The following ANAPC16 variants were observed in gnomAD, a reference collection of about 807,000 sequenced individuals.
ANAPC16 encodes the protein anaphase promoting complex subunit 16, also known as anaphase-promoting complex subunit 16.
In ANAPC16, 6 loss-of-function variants were observed where a neutral mutation model predicts 13.1. That is an observed-to-expected ratio of 0.46 (90% CI 0.25 to 0.90). The LOEUF (loss-of-function observed/expected upper bound fraction) is 0.90, where lower values mean the gene tolerates loss of function less well. Ranked by LOEUF, ANAPC16 falls within the 40% of genes least tolerant of loss-of-function variation. ANAPC16 has a pLI of 0.18. For synonymous variants in ANAPC16, 55 were observed against 51.3 expected (o/e 1.07, Z -0.31); for missense variants, 113 against 131.1 (o/e 0.86, Z 0.67).
At position 72,230,311 on chromosome 10, in the gene ANAPC16, C is replaced by T. The variant is rs1860255699; in HGVS notation, c.143-55C>T. The T allele has an allele frequency of 4.4e-6, 6 of 1,375,544 alleles. No individual in the cohort carries two copies. The South Asian group carries it at 5.8e-5, about 13-fold the overall frequency. The allele number at this position is 1,375,544 out of a possible 1,614,324, so 85.2% of individuals were successfully genotyped here. A position where few individuals can be genotyped will look rare whatever the true frequency, so the allele number is the denominator to read the frequency against. On this transcript the variant is annotated intron_variant, in intron 2 of 3. Coordinates refer to ENST00000299381, the MANE Select transcript of ANAPC16 (RefSeq NM_173473.4). ...GAATAGACAAGTTTACTTGGTTTAT[C>T]AGAAGCCATAAAACCTTTAGAGCAG...
intron 1 of ANAPC16, among the ~76,000 whole-genome samples, chr10:72,221,856 A>G (rs1391085678): frequency 1.3e-5 from 2 of 150,656 alleles, no homozygotes; most frequent in Admixed American, 6.6e-5. Context: ...CAGCCTCTCA[A>G]GTAGCTGGGA....
rs551660302 is a variant in ANAPC16, at chr10:72,223,648, C to T, written c.-27-240C>T. 9.8e-4 allele frequency: 289 copies of T among 295,874 alleles called. 1 individual carries two copies. Among genetic ancestry groups the T allele is most frequent in the Non-Finnish European group, 1.5e-3 (241 of 160,496 alleles). 18.3% of individuals were successfully genotyped at this position (295,874 alleles called of 1,614,324 possible). The stretch of plus-strand genomic sequence containing the variant: ...TCAATCTTAGTTGACATAAACAGTT[C>T]GCTAATGGTAGGAATTCATGTTTTA... On this transcript the variant is annotated intron_variant, in intron 1 of 3. Transcript: ENST00000299381.
chr10:72,217,472 CAAAA>C, intron 1 of ANAPC16, among the ~76,000 whole-genome samples: 1 of 84,544 alleles, frequency 1.2e-5, no homozygotes. Context: ...GAATCCGTCT[CAAAA>C]AAAAAAAAAA....
At chr10:72,229,396 A>G (rs964162582) in intron 2 of ANAPC16, among the ~76,000 whole-genome samples, 6 of 151,836 alleles carry the variant, frequency 4.0e-5, no homozygotes, top group African/African-American at 7.3e-5. Context: ...TGAGGCCAGA[A>G]TGTGTTAGTC....
chr10:72,226,891 C>T (rs1429447922), intron 2 of ANAPC16, among the ~76,000 whole-genome samples: 1 of 152,110 alleles, frequency 6.6e-6, no homozygotes, highest in African/African-American at 2.4e-5. Flanking sequence ...ACATGTACTT[C>T]TCTCTTTGCC....
intron 3 of ANAPC16, among the ~76,000 whole-genome samples, chr10:72,232,413 G>A (rs113104890): frequency 0.027 from 3,980 of 149,096 alleles, 208 homozygotes; most frequent in African/African-American, 0.093. Flanking sequence ...GCACGATGGC[G>A]GGTGCCTGTA....
rs751497167 is a variant in ANAPC16, at chr10:72,230,342, A to G, written c.143-24A>G. ...CCATAAAACCTTTAGAGCAGATTAA[A>G]ACCTTTTCTCCTTTTGTTTGTAGAT... On this transcript the variant is annotated intron_variant, in intron 2 of 3. Coordinates refer to ENST00000299381, the MANE Select transcript of ANAPC16 (RefSeq NM_173473.4). The G allele has an allele frequency of 2.5e-6, 4 of 1,604,982 alleles. No individual in the cohort carries two copies. The South Asian group carries it at 4.4e-5, about 18-fold the overall frequency.
In ANAPC16 at chr10:72,221,975, G is replaced by A. The variant is rs1275392765; in HGVS notation, c.-27-1913G>A. Among the ~76,000 whole-genome samples the A allele has an allele frequency of 6.0e-5, 9 of 150,210 alleles. No homozygotes were observed. In the South Asian group the frequency reaches 6.4e-4, roughly 11 times the overall value. ...GAACTCCTGACCTCGTGATCCACCC[G>A]CCTCGGCCTCCCAAAGTGCTGGGAT... On this transcript the variant is annotated intron_variant, in intron 1 of 3. Transcript: ENST00000299381.
chr10:72,223,698 A>G (rs1860025118), intron 1 of ANAPC16, 190 bp from the exon 2 acceptor site: 1 of 421,632 alleles, frequency 2.4e-6, no homozygotes, highest in Non-Finnish European at 4.2e-6. Flanking sequence ...TCTTAAGCAT[A>G]TTTTCAGTTC....
At chr10:72,226,093 A>G (rs1025042792) in intron 2 of ANAPC16, among the ~76,000 whole-genome samples, 2 of 149,092 alleles carry the variant, frequency 1.3e-5, no homozygotes, top group African/African-American at 4.9e-5. Context: ...TTGGCTCACT[A>G]CAACCTCTGC....
chr10:72,218,227 G>T (rs1859740774), intron 1 of ANAPC16, among the ~76,000 whole-genome samples: 1 of 103,956 alleles, frequency 9.6e-6, no homozygotes, highest in South Asian at 3.3e-4. Context: ...TATGCCGGAG[G>T]TTGCAATTTT....
rs184719942 is a variant in ANAPC16, at chr10:72,217,752, C to T, written c.-28+1614C>T. ...AAGTGTTTTACGTGTATTAACTAAT[C>T]TTTGTCACACCTGTGTGAGGTAGGT... is the stretch of plus-strand genomic sequence containing the variant. On this transcript the variant is annotated intron_variant, in intron 1 of 3. Transcript: ENST00000299381. Among the ~76,000 whole-genome samples, 428 of 152,144 alleles carry T rather than the reference C, an allele frequency of 2.8e-3. 4 individuals are homozygous for T. The highest frequency in any genetic ancestry group is 9.8e-3 in the African/African-American group (407 of 41,506).
chr10:72,219,962 T>A (rs1313596415), intron 1 of ANAPC16: 1 of 152,194 alleles, frequency 6.6e-6, no homozygotes, highest in Non-Finnish European at 1.5e-5. Context: ...TACTATATCA[T>A]TTTCCTTACT....
intron 1 of ANAPC16, among the ~76,000 whole-genome samples, chr10:72,218,234 T>C (rs1859742585): frequency 7.5e-6 from 1 of 133,396 alleles, no homozygotes; most frequent in Admixed American, 8.0e-5. Context: ...GAGGTTGCAA[T>C]TTTTTACATT....
chr10:72,218,809 T>A (rs1347823336), intron 1 of ANAPC16, among the ~76,000 whole-genome samples: 12 of 152,224 alleles, frequency 7.9e-5, no homozygotes, highest in Admixed American at 7.2e-4. Flanking sequence ...TCCTTCCACC[T>A]CAGCAGAAAA....
In ANAPC16 at chr10:72,233,793, A is replaced by G. The variant is rs1860395838; in HGVS notation, c.*677A>G. On this transcript the variant is annotated 3_prime_UTR_variant, in exon 4 of 4. Transcript: ENST00000299381. ...TTCTTCTCATTGGTGGACTCAAGCA[A>G]TTCTGTAGCAAATAAATCCTTTGAA... 6.6e-6 allele frequency: 1 copy of G among 152,606 alleles called. No individual in the cohort carries two copies. The highest frequency in any genetic ancestry group is 2.4e-5 in the African/African-American group (1 of 41,446). The allele number at this position is 152,606 out of a possible 1,614,324, so 9.5% of individuals were successfully genotyped here. A position where few individuals can be genotyped will look rare whatever the true frequency, so the allele number is the denominator to read the frequency against.
intron 2 of ANAPC16, among the ~76,000 whole-genome samples, chr10:72,227,276 G>C (rs951814455): frequency 1.3e-5 from 2 of 152,140 alleles, no homozygotes; most frequent in Non-Finnish European, 2.9e-5. Context: ...AAGAAGAAAG[G>C]CTTCTGAGAT....
At chr10:72,216,959 C>A (rs75786221) in intron 1 of ANAPC16, 6,442 of 456,060 alleles carry the variant, frequency 0.014, 350 homozygotes, top group African/African-American at 0.12. Context: ...AGAAAAAAAT[C>A]CATAATGATC....
intron 2 of ANAPC16, 47 bp from the exon 3 acceptor site, chr10:72,230,319 A>G (rs1434856101): frequency 7.4e-6 from 11 of 1,481,080 alleles, no homozygotes; most frequent in Non-Finnish European, 1.0e-5. Flanking sequence ...ATCAGAAGCC[A>G]TAAAACCTTT....
Sources: allele counts gnomAD v4.1 joint callset (sites outside exome capture counted in the v4.1 genomes callset), GRCh38; gene constraint gnomAD v4.1.1; transcripts MANE v1.5; gene names NCBI Gene and HGNC (gene_info 2026-07-23, HGNC 2026-07-21).